Variants in TTC1 observed in about 807,000 individuals in gnomAD.
The protein encoded by TTC1 is tetratricopeptide repeat domain 1, also known as tetratricopeptide repeat protein 1.
Under a neutral mutation model 37.6 loss-of-function variants are expected in TTC1, and 31 were observed. That is an observed-to-expected ratio of 0.82 (90% CI 0.62 to 1.11). TTC1 has a LOEUF of 1.11. Among genes scored for constraint, TTC1 ranks in the 50% most tolerant of loss-of-function variants. TTC1 has a pLI of 0.00. For synonymous variants in TTC1, 127 were observed against 122.4 expected (o/e 1.04, Z -0.25); for missense variants, 351 against 339.0 (o/e 1.04, Z -0.28).
chr5:160,016,621 A>G (rs962494456), intron 2 of TTC1, among the ~76,000 whole-genome samples: 1 of 152,144 alleles, frequency 6.6e-6, no homozygotes, highest in Non-Finnish European at 1.5e-5. Context: ...ATGTAATGCA[A>G]TTTTGTAATA....
intron 5 of TTC1, among the ~76,000 whole-genome samples, chr5:160,044,841 G>A (rs2113380480): frequency 6.6e-6 from 1 of 152,308 alleles, no homozygotes; most frequent in South Asian, 2.1e-4. Context: ...TCAAGATGGA[G>A]CCACTTTGAT....
chr5:160,027,492 T>TA (rs1341994680), intron 2 of TTC1, among the ~76,000 whole-genome samples: 8 of 152,354 alleles, frequency 5.3e-5, no homozygotes, highest in Admixed American at 5.2e-4. Context: ...TACAGCTTTT[T>TA]ATAATCTTTT....
intron 4 of TTC1, among the ~76,000 whole-genome samples, chr5:160,037,795 T>A (rs977115735): frequency 2.0e-5 from 3 of 151,986 alleles, no homozygotes; most frequent in Admixed American, 1.3e-4. Context: ...TTTTTTTTTT[T>A]AAACCATACC....
In TTC1 at chr5:160,010,610, T is replaced by C. The variant is rs776329281; in HGVS notation, c.82T>C (p.Cys28Arg). The change falls in exon 2 of 8, where the codon TGT becomes CGT. Residue 28 changes from cysteine to arginine, a missense_variant. Transcript: ENST00000231238. ...GGTTACAGATACTCAGGAAGCCGAG[T>C]GTGCTGGCCCTCCAGTTCCTGATCC... ...LKVTDTQEAE[C>R]AGPPVPDPKN... 10 of 1,614,018 alleles carry C rather than the reference T, an allele frequency of 6.2e-6. No individual in the cohort carries two copies. The highest frequency in any genetic ancestry group is 8.5e-6 in the Non-Finnish European group (10 of 1,180,020).
intron 2 of TTC1, among the ~76,000 whole-genome samples, chr5:160,030,457 C>T (rs1041046352): frequency 1.3e-5 from 2 of 152,186 alleles, no homozygotes; most frequent in African/African-American, 2.4e-5. Context: ...GTCAAGACCT[C>T]CATGCCCACC....
At chr5:160,010,942 T>C in intron 2 of TTC1, 84 bp downstream of exon 2, 2 of 1,276,142 alleles carry the variant, frequency 1.6e-6, no homozygotes, top group Non-Finnish European at 2.2e-6. Flanking sequence ...GACCACCTCA[T>C]CTGTGGTAAA....
intron 7 of TTC1, among the ~76,000 whole-genome samples, chr5:160,055,707 G>A (rs1299799643): frequency 6.6e-6 from 1 of 152,224 alleles, no homozygotes; most frequent in Admixed American, 6.5e-5. Flanking sequence ...GAGAGACGGA[G>A]TATAGAGGCA....
At position 160,047,597 on chromosome 5, in the gene TTC1, T is replaced by C. The variant is rs183902849; in HGVS notation, c.542-1917T>C. ...TCCTTCAAAAATGTAAATCAGAGTA[T>C]GTCTGAAGCTTGCTTGAAAACTTTC... On this transcript the variant is annotated intron_variant, in intron 5 of 7. Transcript: ENST00000231238. 7.0e-3 allele frequency among the ~76,000 whole-genome samples: 1,063 copies of C among 152,292 alleles called. 6 individuals carry two copies. Among genetic ancestry groups the C allele is most frequent in the Non-Finnish European group, 0.011 (756 of 68,012 alleles).
intron 2 of TTC1, among the ~76,000 whole-genome samples, chr5:160,025,516 G>A (rs1477183940): frequency 1.3e-5 from 2 of 152,196 alleles, no homozygotes; most frequent in Non-Finnish European, 2.9e-5. Context: ...CTCTGGAACT[G>A]AATAACATGT....
Position 160,051,065 on chromosome 5 carries a change from T to G in TTC1, c.691-64T>G, listed in dbSNP as rs948725580. 2.8e-5 allele frequency: 38 copies of G among 1,352,960 alleles called. No individual in the cohort carries two copies. In the African/African-American group the frequency reaches 5.8e-4, roughly 21 times the overall value. The allele number at this position is 1,352,960 out of a possible 1,614,324, so 83.8% of individuals were successfully genotyped here. A position where few individuals can be genotyped will look rare whatever the true frequency, so the allele number is the denominator to read the frequency against. Reference sequence around the variant, plus strand: ...ATTCTTGTGTTTCTCAAATTCAAAATAAAGGGAAAGGTTTTGGTTTTTTTT... The same window carrying G: ...ATTCTTGTGTTTCTCAAATTCAAAAGAAAGGGAAAGGTTTTGGTTTTTTTT... On this transcript the variant is annotated intron_variant, in intron 6 of 7. Coordinates refer to ENST00000231238, the MANE Select transcript of TTC1 (RefSeq NM_003314.3).
chr5:160,035,285 C>T (rs1437162114), intron 3 of TTC1, 85 bp downstream of exon 3: 2 of 1,154,730 alleles, frequency 1.7e-6, no homozygotes, highest in Admixed American at 2.8e-5. Context: ...CAAAGAACAT[C>T]TGAAGAAACC....
At position 160,057,385 on chromosome 5, in the gene TTC1, G is replaced by A. The variant is rs757957780; in HGVS notation, c.745+6202G>A. Among the ~76,000 whole-genome samples the A allele has an allele frequency of 6.6e-6, 1 of 151,524 alleles. No individual in the cohort carries two copies. Reference sequence around the variant, plus strand: ...TTTATATAATACTGTAGTCTACTAAGTATGCAACAGCACTGTGTCTAAAAA... The same window carrying A: ...TTTATATAATACTGTAGTCTACTAAATATGCAACAGCACTGTGTCTAAAAA... On this transcript the variant is annotated intron_variant, in intron 7 of 7. Coordinates refer to ENST00000231238, the MANE Select transcript of TTC1 (RefSeq NM_003314.3). This position sits in a 1 kb window ranked among gnomAD's most constrained non-coding sequence, Gnocchi z 4.4.
In TTC1 at chr5:160,036,930, T is replaced by G. The variant is rs558299272; in HGVS notation, c.504+127T>G. 1.9e-5 allele frequency: 12 copies of G among 616,014 alleles called. No homozygotes were observed. In the South Asian group the frequency reaches 2.5e-4, roughly 13 times the overall value. The allele number at this position is 616,014 out of a possible 1,614,324, so 38.2% of individuals were successfully genotyped here. On this transcript the variant is annotated intron_variant, in intron 4 of 7. Transcript: ENST00000231238. Reference sequence around the variant, plus strand: ...TTTTCCTGCCCATATATTTCCCTGATGTAAAGGCCACAGGGAGAATAGAAA... The same window carrying G: ...TTTTCCTGCCCATATATTTCCCTGAGGTAAAGGCCACAGGGAGAATAGAAA...
intron 7 of TTC1, among the ~76,000 whole-genome samples, chr5:160,059,654 A>C (rs1757646540): frequency 6.6e-6 from 1 of 152,176 alleles, no homozygotes; most frequent in Admixed American, 6.5e-5. Context: ...AGAGGGAGAG[A>C]TACAAGGGAA....
chr5:160,016,620 A>G (rs1016736346), intron 2 of TTC1, among the ~76,000 whole-genome samples: 1 of 152,176 alleles, frequency 6.6e-6, no homozygotes, highest in Non-Finnish European at 1.5e-5. Context: ...TATGTAATGC[A>G]ATTTTGTAAT....
At chr5:160,021,058 G>A (rs1224643877) in intron 2 of TTC1, among the ~76,000 whole-genome samples, 1 of 152,180 alleles carries the variant, frequency 6.6e-6, no homozygotes, top group African/African-American at 2.4e-5. Context: ...ATGACGTTCA[G>A]TATTTCCTGT....
Position 160,064,898 on chromosome 5 carries a change from T to C in TTC1, c.746-34T>C, listed in dbSNP as rs547804407. On this transcript the variant is annotated intron_variant, in intron 7 of 7. Coordinates refer to ENST00000231238, the MANE Select transcript of TTC1 (RefSeq NM_003314.3). ...GTACCTTCCTGCTTCTGTTCATTCC[T>C]GTATTCATTTGAGTTTTTGCTTTTA... The C allele has an allele frequency of 4.6e-5, 73 of 1,600,398 alleles. No individual in the cohort carries two copies. In the South Asian group the frequency reaches 7.5e-4, roughly 16 times the overall value.
intron 2 of TTC1, among the ~76,000 whole-genome samples, chr5:160,032,502 C>A (rs778282621): frequency 1.2e-4 from 18 of 152,092 alleles, no homozygotes; most frequent in Non-Finnish European, 2.1e-4. Context: ...TCACTTCATC[C>A]TCTGATAACC....
chr5:160,056,966 A>G (rs1757562343), intron 7 of TTC1, among the ~76,000 whole-genome samples: 1 of 152,062 alleles, frequency 6.6e-6, no homozygotes, highest in Admixed American at 6.6e-5. Flanking sequence ...ATGTAGGTAC[A>G]GAAACCCAGT....
Sources: gnomAD v4.1 joint callset for allele counts (sites outside exome capture counted in the v4.1 genomes callset) on GRCh38, gnomAD v4.1.1 for gene constraint, Gnocchi (gnomAD v3.1) non-coding constraint, MANE v1.5 for transcripts, NCBI Gene and HGNC (gene_info 2026-07-23, HGNC 2026-07-21) for gene names.